DDC: variants seen among roughly 807,000 people sequenced by gnomAD.
DDC encodes the protein aromatic-L-amino-acid decarboxylase.
Under a neutral mutation model 60.0 loss-of-function variants are expected in DDC, and 43 were observed. The observed-to-expected ratio is 0.72, with a 90% CI of 0.56 to 0.92. DDC has a LOEUF of 0.92. Ranked by LOEUF, DDC falls within the 40% of genes least tolerant of loss-of-function variation. The probability of loss-of-function intolerance (pLI) is 0.00; values close to 1 mark genes in which losing one functional copy is unlikely to be tolerated. For synonymous variants in DDC, 232 were observed against 234.6 expected (o/e 0.99, Z 0.10); for missense variants, 573 against 620.2 (o/e 0.92, Z 0.81).
chr7:50,466,427 G>A (rs1256641894), intron 13 of DDC, among the ~76,000 whole-genome samples: 3 of 147,156 alleles, frequency 2.0e-5, no homozygotes, highest in Non-Finnish European at 4.5e-5. Context: ...AGAGGTTGCA[G>A]TGAGCCGAGA....
rs148838416 is a variant in DDC at position 50,481,881 on chromosome 7, C to T, written c.945-2018G>A. Among the ~76,000 whole-genome samples, 22 of 152,330 alleles carry T rather than the reference C, an allele frequency of 1.4e-4. 1 individual carries two copies. The highest frequency in any genetic ancestry group is 4.8e-4 in the African/African-American group (20 of 41,570). ...ATTTGCTTTCTTACCCCAAAATAGA[C>T]CTATGAGTTTCACATTCATTCATGC... On this transcript the variant is annotated intron_variant, in intron 9 of 14. Coordinates refer to ENST00000444124, the MANE Select transcript of DDC (RefSeq NM_001082971.2).
intron 6 of DDC, among the ~76,000 whole-genome samples, chr7:50,516,995 A>C (rs2043750799): frequency 6.6e-6 from 1 of 152,160 alleles, no homozygotes; most frequent in Admixed American, 6.5e-5. Context: ...ATTCTACCAG[A>C]CATTCAAAGA....
intron 6 of DDC, among the ~76,000 whole-genome samples, chr7:50,515,673 T>G (rs1406748161): frequency 2.6e-5 from 4 of 152,302 alleles, no homozygotes; most frequent in Non-Finnish European, 5.9e-5. Context: ...AACCATCTGC[T>G]GCCTTCAGGA....
chr7:50,489,271 T>A (rs1045429929), intron 9 of DDC, among the ~76,000 whole-genome samples: 1 of 152,110 alleles, frequency 6.6e-6, no homozygotes, highest in African/African-American at 2.4e-5. Context: ...CCTCCCAAAG[T>A]GCTGGGATTA....
At chr7:50,523,711 C>A (rs2043960511) in intron 6 of DDC, among the ~76,000 whole-genome samples, 1 of 152,168 alleles carries the variant, frequency 6.6e-6, no homozygotes, top group African/African-American at 2.4e-5. Flanking sequence ...CACTAACATT[C>A]ATTGTGGGAA....
At chr7:50,496,757 C>A (rs547364379) in intron 8 of DDC, among the ~76,000 whole-genome samples, 21 of 152,238 alleles carry the variant, frequency 1.4e-4, no homozygotes, top group Non-Finnish European at 2.9e-4. Context: ...GGCCGACTCT[C>A]CTACTGGGAA....
intron 6 of DDC, among the ~76,000 whole-genome samples, chr7:50,514,831 C>T (rs1490880431): frequency 6.6e-6 from 1 of 151,804 alleles, no homozygotes; most frequent in East Asian, 1.9e-4. Flanking sequence ...ATTCAGAGCT[C>T]GAAGACAAGG....
At chr7:50,551,396 A>AT (rs1410491028) in intron 1 of DDC, among the ~76,000 whole-genome samples, 7 of 150,822 alleles carry the variant, frequency 4.6e-5, no homozygotes, top group Admixed American at 1.3e-4. Flanking sequence ...ATGCCCGGCT[A>AT]TTTTTTTTGT....
intron 9 of DDC, 97 bp from the exon 10 acceptor site, chr7:50,479,960 C>A (rs1001370195): frequency 2.3e-6 from 2 of 867,900 alleles, no homozygotes; most frequent in East Asian, 2.7e-5. Context: ...GGCACCTGCT[C>A]CCAGCCCTGC....
chr7:50,556,968 T>C lies in DDC; in HGVS notation c.-29+8317A>G, dbSNP rs188794936. Among the ~76,000 whole-genome samples the C allele has an allele frequency of 3.2e-3, 484 of 152,316 alleles. 3 individuals are homozygous for C. The highest frequency in any genetic ancestry group is 0.011 in the African/African-American group (453 of 41,558). On this transcript the variant is annotated intron_variant, in intron 1 of 14. Coordinates refer to ENST00000444124, the MANE Select transcript of DDC (RefSeq NM_001082971.2). Reference sequence around the variant, plus strand: ...GCTGACGTCTTGGAGTCTCTGAGTCTGTTTCTTTACTTATAAAATGGGGCC... The same window carrying C: ...GCTGACGTCTTGGAGTCTCTGAGTCCGTTTCTTTACTTATAAAATGGGGCC...
At chr7:50,506,376 G>A (rs1285365673) in intron 6 of DDC, among the ~76,000 whole-genome samples, 2 of 152,146 alleles carry the variant, frequency 1.3e-5, no homozygotes, top group African/African-American at 4.8e-5. Flanking sequence ...AGTGGGGAGG[G>A]ATAGCATTAG....
At position 50,540,018 on chromosome 7, in the gene DDC, C is replaced by G. The variant is rs1220708031; in HGVS notation, c.212G>C (p.Trp71Ser). 2 of 1,613,028 alleles carry G rather than the reference C, an allele frequency of 1.2e-6. No individual in the cohort carries two copies. The highest frequency in any genetic ancestry group is 2.7e-5 in the African/African-American group (2 of 74,886). Residue 71 changes from tryptophan (W) to serine (S), a missense_variant, in exon 3 of 15, where the codon TGG (tryptophan) becomes TCG (serine). Coordinates refer to ENST00000444124, the MANE Select transcript of DDC (RefSeq NM_001082971.2). ...EKIIMPGVTH[W>S]HSPYFFAYFP... is the part of the protein sequence containing the mutation. ...GTAGGCGAAGAAGTAGGGGCTGTGCCAGTGCGTCACCTGCATGGGAGGACA... is the reference window on the plus strand; with the variant it reads ...GTAGGCGAAGAAGTAGGGGCTGTGCGAGTGCGTCACCTGCATGGGAGGACA...
chr7:50,555,134 C>G (rs2045138283), intron 1 of DDC, among the ~76,000 whole-genome samples: 1 of 152,150 alleles, frequency 6.6e-6, no homozygotes, highest in African/African-American at 2.4e-5. Context: ...CTTGCCGGGT[C>G]AGCAGGCATG....
chr7:50,496,282 T>C (rs2043125299), intron 8 of DDC, among the ~76,000 whole-genome samples: 1 of 152,126 alleles, frequency 6.6e-6, no homozygotes. Flanking sequence ...AGACAGTGTG[T>C]CTCATTACGT....
intron 5 of DDC, among the ~76,000 whole-genome samples, chr7:50,528,921 C>T (rs2044117384): frequency 6.6e-6 from 1 of 152,124 alleles, no homozygotes; most frequent in Admixed American, 6.6e-5. Flanking sequence ...AGTTTCTCTG[C>T]AATGGTGCTC....
Position 50,478,594 on chromosome 7 carries a change from C to T in DDC, c.1021+1193G>A, listed in dbSNP as rs544150140. On this transcript the variant is annotated intron_variant, in intron 10 of 14. Transcript: ENST00000444124. ...CTCCGTGAATCTGCTTCCTTATGGA[C>T]GAGTAAAGAACTGGCCCAGTTAGAA... 9.2e-5 allele frequency among the ~76,000 whole-genome samples: 14 copies of T among 152,320 alleles called. No homozygotes were observed. In the East Asian group the frequency reaches 9.6e-4, roughly 10 times the overall value.
chr7:50,463,200 C>A lies in DDC; in HGVS notation c.*18+13G>T. The stretch of plus-strand genomic sequence containing the variant: ...CAAGGAGACAGGCAGAAAATGAGCC[C>A]AGGGCAGCCTACCTGCAGCTGGCTT... On this transcript the variant is annotated intron_variant, in intron 14 of 14. Transcript: ENST00000444124. 6.3e-7 allele frequency: 1 copy of A among 1,580,066 alleles called. No individual in the cohort carries two copies. Among genetic ancestry groups the A allele is most frequent in the Non-Finnish European group, 8.6e-7 (1 of 1,162,900 alleles).
chr7:50,475,754 A>T (rs1336161897), intron 11 of DDC, among the ~76,000 whole-genome samples: 3 of 150,812 alleles, frequency 2.0e-5, no homozygotes, highest in Non-Finnish European at 4.4e-5. Context: ...CAGTGGCATG[A>T]TCTCGGCTCA....
intron 4 of DDC, among the ~76,000 whole-genome samples, chr7:50,536,574 A>G (rs1033359663): frequency 3.9e-5 from 6 of 152,228 alleles, no homozygotes; most frequent in Non-Finnish European, 8.8e-5. Flanking sequence ...AGAGGCAAGG[A>G]AGCAGATTCA....
Sources: allele counts gnomAD v4.1 joint callset (sites outside exome capture counted in the v4.1 genomes callset), GRCh38; gene constraint gnomAD v4.1.1; transcripts MANE v1.5; gene names NCBI Gene and HGNC (gene_info 2026-07-23, HGNC 2026-07-21).